PCNX2: variants seen among roughly 807,000 people sequenced by gnomAD.
The protein encoded by PCNX2 is pecanex 2.
In PCNX2, 168 loss-of-function variants were observed where a neutral mutation model predicts 223.8. The ratio of observed to expected loss-of-function variants is 0.75; its 90% CI spans 0.66 to 0.85. PCNX2 has a LOEUF of 0.85. Among genes scored for constraint, PCNX2 ranks in the 40% least tolerant of loss-of-function variants. PCNX2 has a pLI of 0.00. For missense variants in PCNX2, 2,507 were observed against 2,675.5 expected (o/e 0.94, Z 1.39); for synonymous variants, 1,006 against 1,052.6 (o/e 0.96, Z 0.86).
intron 23 of PCNX2, among the ~76,000 whole-genome samples, chr1:233,068,028 G>T (rs1258333079): frequency 6.6e-6 from 1 of 151,984 alleles, no homozygotes. Context: ...TTATAGTCAA[G>T]CTTCTAAAAT....
At chr1:233,121,355 C>G (rs375159085) in intron 21 of PCNX2, among the ~76,000 whole-genome samples, 3 of 151,994 alleles carry the variant, frequency 2.0e-5, no homozygotes, top group African/African-American at 4.8e-5. Flanking sequence ...AAAGGCAAAA[C>G]AACAACAGTA....
chr1:233,240,241 A>C (rs10489805), intron 8 of PCNX2, among the ~76,000 whole-genome samples: 111,066 of 152,152 alleles, frequency 0.73, 40,649 homozygotes, highest in Middle Eastern at 0.75. Context: ...AAATCACTGA[A>C]ACGGACAGGT....
Position 233,020,727 on chromosome 1 carries a change from A to G in PCNX2, c.4606-3573T>C, listed in dbSNP as rs1410743949. Among the ~76,000 whole-genome samples, 5 of 152,210 alleles carry G rather than the reference A, an allele frequency of 3.3e-5. No individual in the cohort carries two copies. In the East Asian group the frequency reaches 9.6e-4, roughly 29 times the overall value. On this transcript the variant is annotated intron_variant, in intron 26 of 33. Coordinates refer to ENST00000258229, the MANE Select transcript of PCNX2 (RefSeq NM_014801.4). ...CACACAGAAAGCAGCAGATTCCTTG[A>G]CTGCTAAGCGGGTTTTAAACACTAA...
chr1:233,318,511 C>T, the PCNX2 span, among the ~76,000 whole-genome samples: 2 of 151,466 alleles, frequency 1.3e-5, no homozygotes, highest in African/African-American at 4.8e-5. Context: ...GTTTCTTCCT[C>T]CATCTCCTCA....
At position 233,227,295 on chromosome 1, in the gene PCNX2, A is replaced by C. The variant is rs759496010; in HGVS notation, c.2435T>G (p.Phe812Cys). 6.2e-7 allele frequency: 1 copy of C among 1,613,412 alleles called. No homozygotes were observed. Among genetic ancestry groups the C allele is most frequent in the Admixed American group, 1.7e-5 (1 of 59,912 alleles). Residue 812 changes from phenylalanine to cysteine, a missense_variant, in exon 10 of 34, where the codon TTT (phenylalanine) becomes TGT (cysteine). Physicochemically the swap from Phe to Cys is radical, Grantham distance 205 (BLOSUM62 -2). Transcript: ENST00000258229. Reference sequence around the variant, plus strand: ...AATCCACTTGCCAGGGAAAATGATAAATTTGTAAAACTGCTCTCGGTTAAA... The same window carrying C: ...AATCCACTTGCCAGGGAAAATGATACATTTGTAAAACTGCTCTCGGTTAAA... ...GKFNREQFYK[F>C]IIFPGKWIKV... is the part of the protein sequence containing the mutation.
At chr1:233,147,388 T>C (rs1042304996) in intron 19 of PCNX2, among the ~76,000 whole-genome samples, 1 of 152,126 alleles carries the variant, frequency 6.6e-6, no homozygotes, top group African/African-American at 2.4e-5. Context: ...AGAAAATATA[T>C]TTCCTATTCA....
At chr1:233,154,852 T>C (rs1221137169) in intron 19 of PCNX2, among the ~76,000 whole-genome samples, 3 of 152,096 alleles carry the variant, frequency 2.0e-5, no homozygotes, top group Admixed American at 6.6e-5. Flanking sequence ...GCAGATCACT[T>C]GAGACCAGGA....
intron 23 of PCNX2, among the ~76,000 whole-genome samples, chr1:233,064,651 G>T (rs1672525977): frequency 6.6e-6 from 1 of 152,090 alleles, no homozygotes; most frequent in South Asian, 2.1e-4. Context: ...AGTGATAGTG[G>T]GTTTTGCTGT....
chr1:233,320,322 T>A, the PCNX2 span, among the ~76,000 whole-genome samples: 4,976 of 152,264 alleles, frequency 0.033, 120 homozygotes, highest in Non-Finnish European at 0.053. Context: ...AATGACTTTA[T>A]TCAGATTTCA....
intron 25 of PCNX2, among the ~76,000 whole-genome samples, chr1:233,035,719 TG>T (rs1671431547): frequency 6.6e-6 from 1 of 152,208 alleles, no homozygotes; most frequent in Non-Finnish European, 1.5e-5. Context: ...TTTCCTTCTG[TG>T]GTCACATAAG....
intron 21 of PCNX2, among the ~76,000 whole-genome samples, chr1:233,105,099 A>T (rs1674690430): frequency 6.6e-6 from 1 of 152,162 alleles, no homozygotes; most frequent in African/African-American, 2.4e-5. Context: ...TAATGTAAAA[A>T]TTCAACAAGG....
At chr1:233,312,318 A>G in the PCNX2 span, among the ~76,000 whole-genome samples, 5 of 152,330 alleles carry the variant, frequency 3.3e-5, no homozygotes, top group African/African-American at 1.2e-4. Context: ...TTTGCTTTTG[A>G]GTATTCAAAT....
chr1:233,170,922 T>C (rs1378335279), intron 17 of PCNX2, among the ~76,000 whole-genome samples: 3 of 152,246 alleles, frequency 2.0e-5, no homozygotes, highest in Admixed American at 6.5e-5. Context: ...TGGTACGGGC[T>C]GAGCAGCCCT....
rs1430451892 is a variant in PCNX2, at chr1:233,259,341, A to C, written c.521T>G (p.Val174Gly). 6.2e-7 allele frequency: 1 copy of C among 1,605,368 alleles called. No individual in the cohort carries two copies. Among genetic ancestry groups the C allele is most frequent in the East Asian group, 2.2e-5 (1 of 44,686 alleles). The change falls in exon 5 of 34, where the codon GTC becomes GGC. Residue 174 changes from valine to glycine, a missense_variant. Val to Gly is a moderately radical substitution (Grantham distance 109). Transcript: ENST00000258229. ...TATGGGATGGTCTTCTAATAGAATG[A>C]CACCTGAAATGACACATGGCAACTT... ...AQETVEDLKG[V>G]ILLEDHPIAP...
At position 233,022,658 on chromosome 1, in the gene PCNX2, A is replaced by G. The variant is rs141354955; in HGVS notation, c.4605+2488T>C. 5.4e-3 allele frequency among the ~76,000 whole-genome samples: 815 copies of G among 151,460 alleles called. 14 individuals carry two copies. The highest frequency in any genetic ancestry group is 3.7e-3 in the Non-Finnish European group (254 of 67,920). ...GCAATACTGGAGGTCTCTGGGTAGC[A>G]GATGAAAGAGTCTAGCCTAATTCTT... On this transcript the variant is annotated intron_variant, in intron 26 of 33. Coordinates refer to ENST00000258229, the MANE Select transcript of PCNX2 (RefSeq NM_014801.4).
chr1:233,036,420 A>G (rs1295282474), intron 25 of PCNX2, among the ~76,000 whole-genome samples: 2 of 152,206 alleles, frequency 1.3e-5, no homozygotes, highest in African/African-American at 2.4e-5. Flanking sequence ...ACCTGAGGTC[A>G]GGAGTTCAAG....
chr1:233,049,757 A>G (rs1199230646), intron 25 of PCNX2, among the ~76,000 whole-genome samples: 1 of 152,180 alleles, frequency 6.6e-6, no homozygotes, highest in African/African-American at 2.4e-5. Context: ...TAACTTCAGG[A>G]AAGTTTCAGG....
At position 233,161,800 on chromosome 1, in the gene PCNX2, T is replaced by A. The variant is rs529337737; in HGVS notation, c.3274-437A>T. ...GGTCAAAGTGCTAATCATCTCTATG[T>A]GGCTTTAGGGTGTCTTGGATTTTAA... On this transcript the variant is annotated intron_variant, in intron 17 of 33. Transcript: ENST00000258229. 1.3e-4 allele frequency among the ~76,000 whole-genome samples: 20 copies of A among 152,232 alleles called. No homozygotes were observed. The East Asian group carries it at 3.3e-3, about 25-fold the overall frequency.
chr1:233,014,754 G>A lies in PCNX2; in HGVS notation c.4863C>T (p.Asp1621=), dbSNP rs1347344696. Reference sequence around the variant, plus strand: ...ACAGAGTCACCAAGGGAGAGTCCTCGTCACTGTCCAGGGTCGTTGAAGGCT... The same window carrying A: ...ACAGAGTCACCAAGGGAGAGTCCTCATCACTGTCCAGGGTCGTTGAAGGCT... The part of the protein sequence containing the change: ...RQEPSTTLDS[D]EDSPLVTLSF... The change falls in exon 28 of 34, where the codon GAC becomes GAT. Residue 1621 remains aspartate, a synonymous_variant. Transcript: ENST00000258229. 21 of 1,613,720 alleles carry A rather than the reference G, an allele frequency of 1.3e-5. No homozygotes were observed. Among genetic ancestry groups the A allele is most frequent in the East Asian group, 6.7e-5 (3 of 44,866 alleles).
Sources: gnomAD v4.1 joint callset for allele counts (sites outside exome capture counted in the v4.1 genomes callset) on GRCh38, gnomAD v4.1.1 for gene constraint, MANE v1.5 for transcripts, NCBI Gene and HGNC (gene_info 2026-07-23, HGNC 2026-07-21) for gene names.